The following NBPF9 variants were observed in gnomAD, a reference collection of about 807,000 sequenced individuals.
NBPF9 encodes NBPF member 9, also known as NBPF family member NBPF9.
Under a neutral mutation model 97.8 loss-of-function variants are expected in NBPF9, and 91 were observed. The ratio of observed to expected loss-of-function variants is 0.93; its 90% CI spans 0.79 to 1.11. NBPF9 has a LOEUF of 1.11. Ranked by LOEUF, NBPF9 falls within the 50% of genes least tolerant of loss-of-function variation. The pLI is 0.00. For synonymous variants in NBPF9, 334 were observed against 359.5 expected (o/e 0.93, Z 0.80); for missense variants, 992 against 939.5 (o/e 1.06, Z -0.73).
At chr1:149,086,832 G>T (rs28750811) in intron 5 of NBPF9, among the ~76,000 whole-genome samples, 11 of 152,072 alleles carry the variant, frequency 7.2e-5, no homozygotes, top group African/African-American at 2.7e-4. Flanking sequence ...AGAAATAGCA[G>T]CCCGCCCCTC....
At chr1:149,061,179 T>C (rs2078573687) in intron 23 of NBPF9, 153 bp downstream of exon 23, 2 of 337,830 alleles carry the variant, frequency 5.9e-6, no homozygotes, top group Admixed American at 5.0e-5. Flanking sequence ...AACCTAAATA[T>C]CTACTGCAAT....
At chr1:149,081,362 C>T (rs1266225586) in intron 7 of NBPF9, among the ~76,000 whole-genome samples, 1 of 151,882 alleles carries the variant, frequency 6.6e-6, no homozygotes, top group African/African-American at 2.4e-5. Context: ...TCGTGCTCTG[C>T]CCGCCTCAGC....
chr1:149,101,606 C>A (rs868920719), intron 2 of NBPF9, among the ~76,000 whole-genome samples: 1 of 151,764 alleles, frequency 6.6e-6, no homozygotes, highest in African/African-American at 2.4e-5. Context: ...AGAGGACACA[C>A]AAATGACAAT....
rs782075933 is a variant in NBPF9 at position 149,072,939 on chromosome 1, T to A, written c.1092-7A>T. 4 of 1,606,340 alleles carry A rather than the reference T, an allele frequency of 2.5e-6. No individual in the cohort carries two copies. The highest frequency in any genetic ancestry group is 1.3e-5 in the African/African-American group (1 of 74,716). ...AACCAGGACTTTATATTGCCTAAGG[T>A]GAGATGGTAGAGAAAAATTAAGAGT... On this transcript the variant is annotated splice_region_variant and splice_polypyrimidine_tract_variant and intron_variant, in intron 13 of 29. Transcript: ENST00000584027.
At chr1:149,064,008 A>ACACACAGACG (rs1403680707) in intron 19 of NBPF9, among the ~76,000 whole-genome samples, 2 of 114,824 alleles carry the variant, frequency 1.7e-5, no homozygotes, top group Non-Finnish European at 3.7e-5. Flanking sequence ...ACACACACAC[A>ACACACAGACG]CAGACACAGA....
At chr1:149,070,453 GT>G (rs781784708) in intron 16 of NBPF9, among the ~76,000 whole-genome samples, 46 of 151,636 alleles carry the variant, frequency 3.0e-4, no homozygotes, top group Non-Finnish European at 5.1e-4. Context: ...AAGAAGAAAA[GT>G]TTCCGTCCTG....
chr1:149,081,271 C>T (rs2080412248), intron 7 of NBPF9, among the ~76,000 whole-genome samples: 1 of 152,084 alleles, frequency 6.6e-6, no homozygotes, highest in South Asian at 2.1e-4. Flanking sequence ...AGTTGCCCTC[C>T]ACGACGCCCA....
chr1:149,102,388 CA>C (rs1343820935), intron 2 of NBPF9, among the ~76,000 whole-genome samples: 1 of 149,070 alleles, frequency 6.7e-6, no homozygotes, highest in East Asian at 2.0e-4. Flanking sequence ...AATTTAAAAA[CA>C]AAAAGCTACT....
At chr1:149,085,758 A>G (rs1472725531) in intron 5 of NBPF9, among the ~76,000 whole-genome samples, 1 of 151,310 alleles carries the variant, frequency 6.6e-6, no homozygotes, top group Non-Finnish European at 1.5e-5. Context: ...GATGAAAACA[A>G]CTTTATAAAG....
chr1:149,069,912 C>CA (rs1207628891), intron 16 of NBPF9, among the ~76,000 whole-genome samples: 1 of 123,404 alleles, frequency 8.1e-6, no homozygotes, highest in African/African-American at 3.2e-5. Context: ...ATTTTTTCCC[C>CA]AAAAAAATCT....
chr1:149,082,911 C>A (rs1168156342), intron 5 of NBPF9, among the ~76,000 whole-genome samples: 2 of 143,448 alleles, frequency 1.4e-5, no homozygotes, highest in East Asian at 4.1e-4. Flanking sequence ...TCCCAAGTAG[C>A]TGGGAATACA....
chr1:149,055,658 A>G (rs781949401), exon 30 of NBPF9: 4 of 1,611,858 alleles, frequency 2.5e-6, no homozygotes, highest in African/African-American at 2.7e-5. Context: ...AGGGCTGCTT[A>G]TTGTGGGAAT....
chr1:149,078,974 G>A, intron 9 of NBPF9, 33 bp downstream of exon 9: 2 of 1,009,904 alleles, frequency 2.0e-6, no homozygotes, highest in Non-Finnish European at 3.1e-6. Flanking sequence ...TAAGCCTGGG[G>A]TTTTGGGTCA....
At chr1:149,087,234 C>A (rs2081075617) in intron 5 of NBPF9, among the ~76,000 whole-genome samples, 1 of 148,678 alleles carries the variant, frequency 6.7e-6, no homozygotes, top group Non-Finnish European at 1.5e-5. Context: ...TATCAGACTG[C>A]AATATATATA....
chr1:149,064,755 T>C (rs587682164), intron 18 of NBPF9: 56 of 611,926 alleles, frequency 9.2e-5, no homozygotes, highest in Middle Eastern at 4.4e-4. Context: ...GCGATTTTTT[T>C]CCCCAATAAA....
intron 15 of NBPF9, 113 bp downstream of exon 15, chr1:149,071,491 G>T (rs1357707037): frequency 3.3e-6 from 4 of 1,202,482 alleles, no homozygotes; most frequent in Non-Finnish European, 4.8e-6. Flanking sequence ...TTCACATACT[G>T]TGGCCAAGCG....
chr1:149,098,045 G>T (rs1303242330), intron 4 of NBPF9, among the ~76,000 whole-genome samples: 3 of 151,996 alleles, frequency 2.0e-5, no homozygotes, highest in Non-Finnish European at 2.9e-5. Flanking sequence ...TGGACAGGGA[G>T]GGGGTGAGCC....
At chr1:149,077,781 G>T in intron 10 of NBPF9, 102 bp downstream of exon 10, 2 of 1,518,004 alleles carry the variant, frequency 1.3e-6, no homozygotes, top group Non-Finnish European at 1.8e-6. Flanking sequence ...GTGGCCAAGG[G>T]GATGCGGGCT....
chr1:149,063,624 G>A lies in NBPF9; in HGVS notation c.2026+9C>T, dbSNP rs2152875599. On this transcript the variant is annotated intron_variant, in intron 20 of 29. Transcript: ENST00000584027. ...TGGATCCTTATCACCTTCATAGAAA[G>A]GTACTCACCATCCATGTCAACAGCC... 1.6e-6 allele frequency: 1 copy of A among 608,046 alleles called. No individual in the cohort carries two copies. 37.7% of individuals were successfully genotyped at this position (608,046 alleles called of 1,614,324 possible). A position where few individuals can be genotyped will look rare whatever the true frequency, so the allele number is the denominator to read the frequency against.
Sources: allele counts gnomAD v4.1 joint callset (sites outside exome capture counted in the v4.1 genomes callset), GRCh38; gene constraint gnomAD v4.1.1; transcripts MANE v1.5; gene names NCBI Gene and HGNC (gene_info 2026-07-23, HGNC 2026-07-21).